The following TRIM5 variants were observed in gnomAD, a reference collection of about 807,000 sequenced individuals.
TRIM5 encodes tripartite motif-containing protein 5.
A neutral mutation model predicts 35.6 loss-of-function variants in TRIM5; 31 were observed. That is an observed-to-expected ratio of 0.87 (90% CI 0.65 to 1.18). The LOEUF (loss-of-function observed/expected upper bound fraction) is 1.18, where lower values mean the gene tolerates loss of function less well. Ranked by LOEUF, TRIM5 falls within the 50% of genes most tolerant of loss-of-function variation. The pLI is 0.00. For missense variants in TRIM5, 609 were observed against 591.6 expected, an observed-to-expected ratio of 1.03 and a Z score of -0.31; for synonymous variants, 243 against 215.6, an observed-to-expected ratio of 1.13 and a Z score of -1.11.
the TRIM5 span, among the ~76,000 whole-genome samples, chr11:5,629,040 G>C: frequency 1.3e-5 from 2 of 152,130 alleles, no homozygotes; most frequent in African/African-American, 4.8e-5. Flanking sequence ...ACTTTGGGAG[G>C]CCGAGACAGG....
At chr11:5,604,664 A>G in the TRIM5 span, 2 of 1,600,946 alleles carry the variant, frequency 1.2e-6, no homozygotes, top group East Asian at 4.5e-5. Context: ...GTCCTGGGGC[A>G]GGAATCATGG....
At chr11:5,681,864 T>C (rs1564928377) in intron 1 of TRIM5, among the ~76,000 whole-genome samples, 1 of 110,848 alleles carries the variant, frequency 9.0e-6, no homozygotes, top group Non-Finnish European at 1.7e-5. Flanking sequence ...AATGGCACAA[T>C]CTCGGCTCAC....
chr11:5,656,999 GACACATGC>G, the TRIM5 span, among the ~76,000 whole-genome samples: 1 of 152,136 alleles, frequency 6.6e-6, no homozygotes, highest in Non-Finnish European at 1.5e-5. Flanking sequence ...CTACTACAAA[GACACATGC>G]ACACATATGT....
the TRIM5 span, among the ~76,000 whole-genome samples, chr11:5,639,679 C>CAAAAAAAAAAAA: frequency 1.4e-4 from 7 of 51,130 alleles, no homozygotes; most frequent in African/African-American, 3.5e-4. Context: ...GACTCTATTT[C>CAAAAAAAAAAAA]AAAAAAAAAA....
At chr11:5,608,333 C>G in the TRIM5 span, 2 of 1,612,184 alleles carry the variant, frequency 1.2e-6, no homozygotes, top group East Asian at 2.2e-5. Flanking sequence ...AGGGCATGAC[C>G]TGTTACTCCT....
chr11:5,679,285 G>A, intron 2 of TRIM5, 116 bp from the exon 3 acceptor site: 1 of 861,758 alleles, frequency 1.2e-6, no homozygotes, highest in Non-Finnish European at 1.8e-6. Flanking sequence ...CAGAAACTGT[G>A]AGAATGGCAA....
chr11:5,608,243 A>T, the TRIM5 span: 2 of 1,395,610 alleles, frequency 1.4e-6, no homozygotes, highest in Non-Finnish European at 1.9e-6. Context: ...TTTTTTCTCT[A>T]CTTTGTGGCC....
At chr11:5,611,411 G>C in the TRIM5 span, 3 of 1,254,328 alleles carry the variant, frequency 2.4e-6, no homozygotes, top group Non-Finnish European at 2.2e-6. Context: ...TCTCCCTTCT[G>C]ATCTTCTGTT....
chr11:5,675,407 T>C (rs1019849659), intron 4 of TRIM5, among the ~76,000 whole-genome samples: 1 of 152,054 alleles, frequency 6.6e-6, no homozygotes, highest in African/African-American at 2.4e-5. Flanking sequence ...GACAAGGACC[T>C]GGGTCCAGGT....
the TRIM5 span, among the ~76,000 whole-genome samples, chr11:5,657,599 AAT>A: frequency 5.5e-5 from 5 of 90,280 alleles, no homozygotes. Context: ...CATTATATAT[AAT>A]ATATATTTAT....
At chr11:5,610,165 G>C in the TRIM5 span, 1 of 1,614,106 alleles carries the variant, frequency 6.2e-7, no homozygotes, top group South Asian at 1.1e-5. Flanking sequence ...TGGACCCTGA[G>C]GAAGCCAGAA....
chr11:5,642,464 T>C, the TRIM5 span: 10 of 1,613,904 alleles, frequency 6.2e-6, no homozygotes, highest in Non-Finnish European at 7.6e-6. Context: ...GAAGACTGTA[T>C]TCCATGCTCC....
At chr11:5,654,572 C>T in the TRIM5 span, among the ~76,000 whole-genome samples, 1 of 152,084 alleles carries the variant, frequency 6.6e-6, no homozygotes, top group African/African-American at 2.4e-5. Context: ...GCCAGGCATG[C>T]TAGTCTTCGA....
At chr11:5,639,719 G>T in the TRIM5 span, among the ~76,000 whole-genome samples, 4 of 143,830 alleles carry the variant, frequency 2.8e-5, no homozygotes, top group Non-Finnish European at 1.5e-5. Context: ...ATTGGAAGAG[G>T]TTGCCTATAG....
the TRIM5 span, chr11:5,632,793 T>G: frequency 8.6e-6 from 13 of 1,509,244 alleles, no homozygotes; most frequent in African/African-American, 1.4e-5. Context: ...CAGAAGATGG[T>G]AGTTGGTGGA....
At chr11:5,597,547 AAT>A in the TRIM5 span, among the ~76,000 whole-genome samples, 1 of 152,178 alleles carries the variant, frequency 6.6e-6, no homozygotes, top group East Asian at 1.9e-4. Context: ...GATAAAAAAA[AAT>A]GTTATTCCTA....
At chr11:5,612,655 G>GT in the TRIM5 span, 1 of 152,276 alleles carries the variant, frequency 6.6e-6, no homozygotes, top group Non-Finnish European at 1.5e-5. Flanking sequence ...GGTGCAATAT[G>GT]TTTTTTGAAC....
the TRIM5 span, among the ~76,000 whole-genome samples, chr11:5,601,097 C>G: frequency 6.6e-6 from 1 of 152,162 alleles, no homozygotes; most frequent in South Asian, 2.1e-4. Flanking sequence ...CATATGGACC[C>G]CCTTAGGATC....
chr11:5,666,166 C>T, intron 5 of TRIM5, 85 bp from the exon 6 acceptor site: 1 of 1,150,098 alleles, frequency 8.7e-7, no homozygotes, highest in South Asian at 1.4e-5. Flanking sequence ...CATTTCAACC[C>T]ATTGAGGCAC....
Sources: allele counts gnomAD v4.1 joint callset (sites outside exome capture counted in the v4.1 genomes callset), GRCh38; gene constraint gnomAD v4.1.1; transcripts MANE v1.5; gene names NCBI Gene and HGNC (gene_info 2026-07-23, HGNC 2026-07-21).